GNRH1: variants seen among roughly 807,000 people sequenced by gnomAD.
GNRH1 encodes the protein gonadotropin releasing hormone 1.
In GNRH1, 9 loss-of-function variants were observed where a neutral mutation model predicts 13.6. That is an observed-to-expected ratio of 0.66 (90% CI 0.40 to 1.15). GNRH1 has a LOEUF of 1.15. Among genes scored for constraint, GNRH1 ranks in the 50% most tolerant of loss-of-function variants. The probability of loss-of-function intolerance (pLI) is 0.01; values close to 1 mark genes in which losing one functional copy is unlikely to be tolerated. For synonymous variants in GNRH1, 44 were observed against 40.1 expected, an observed-to-expected ratio of 1.10 and a Z score of -0.37; for missense variants, 116 against 110.8, an observed-to-expected ratio of 1.05 and a Z score of -0.21.
In GNRH1 at chr8:25,421,565, T is replaced by G. The variant is rs751932727; in HGVS notation, c.237+8A>C. On this transcript the variant is annotated splice_region_variant and intron_variant, in intron 3 of 3. Coordinates refer to ENST00000421054, the MANE Select transcript of GNRH1 (RefSeq NM_001083111.2). ...TGCTGTGATCATGTTATGATCACTT[T>G]AACTTACCAGAGCTCCTTTCAGGTC... is the stretch of plus-strand genomic sequence containing the variant. 3.0e-5 allele frequency: 43 copies of G among 1,452,398 alleles called. No homozygotes were observed. Among genetic ancestry groups the G allele is most frequent in the Non-Finnish European group, 4.2e-5 (43 of 1,034,324 alleles). 90.0% of individuals were successfully genotyped at this position (1,452,398 alleles called of 1,614,324 possible). A position where few individuals can be genotyped will look rare whatever the true frequency, so the allele number is the denominator to read the frequency against.
At chr8:25,421,159 C>T (rs745958574) in intron 3 of GNRH1, among the ~76,000 whole-genome samples, 2 of 152,144 alleles carry the variant, frequency 1.3e-5, no homozygotes, top group East Asian at 3.9e-4. Flanking sequence ...TCTGGAAAAC[C>T]ATGTAAGATA....
At chr8:25,423,100 G>T in intron 2 of GNRH1, 90 bp downstream of exon 2, 1 of 979,418 alleles carries the variant, frequency 1.0e-6, no homozygotes, top group Non-Finnish European at 1.6e-6. Flanking sequence ...CAACATCATA[G>T]AATATTGACA....
intron 2 of GNRH1, among the ~76,000 whole-genome samples, chr8:25,422,895 T>C (rs1426882329): frequency 6.6e-6 from 1 of 152,228 alleles, no homozygotes; most frequent in African/African-American, 2.4e-5. Context: ...ATACAGACCT[T>C]GACCCTATCC....
At chr8:25,420,536 A>G (rs1801757357) in intron 3 of GNRH1, among the ~76,000 whole-genome samples, 1 of 152,220 alleles carries the variant, frequency 6.6e-6, no homozygotes, top group African/African-American at 2.4e-5. Context: ...ATAACTGATC[A>G]TTAACTGTAA....
upstream of GNRH1, chr8:25,424,415 T>A (rs1366222490): frequency 6.6e-6 from 1 of 152,052 alleles, no homozygotes; most frequent in African/African-American, 2.4e-5. Context: ...TAATGGTGTA[T>A]GTAATTGGAA....
At chr8:25,424,349 G>T (rs1231016821), upstream of GNRH1, 1 of 144,978 alleles carries the variant, frequency 6.9e-6, no homozygotes, top group Admixed American at 7.3e-5. Flanking sequence ...ACTGCAAATG[G>T]ACTATGCTTT....
At chr8:25,421,001 G>A (rs891703774) in intron 3 of GNRH1, among the ~76,000 whole-genome samples, 4 of 152,108 alleles carry the variant, frequency 2.6e-5, no homozygotes, top group Non-Finnish European at 5.9e-5. Context: ...GGCGGAATTT[G>A]GAGGTGATTA....
intron 2 of GNRH1, among the ~76,000 whole-genome samples, chr8:25,422,511 A>G (rs1177587667): frequency 2.6e-5 from 4 of 152,198 alleles, no homozygotes; most frequent in African/African-American, 9.7e-5. Flanking sequence ...TCGTGCCACT[A>G]AATTCCAGCC....
In GNRH1 at chr8:25,421,663, G is replaced by A. The variant is rs758381883; in HGVS notation, c.147C>T (p.Val49=). 6.5e-6 allele frequency: 10 copies of A among 1,530,068 alleles called. No homozygotes were observed. The Middle Eastern group carries it at 9.2e-4, about 141-fold the overall frequency. The allele number at this position is 1,530,068 out of a possible 1,614,324, so 94.8% of individuals were successfully genotyped here. Residue 49 remains valine, a synonymous_variant, in exon 3 of 4, where the codon GTC becomes GTT. Transcript: ENST00000421054. ...ENLIDSFQEI[V]KEVGQLAETQ... ...TTTCTGCCAGTTGACCAACCTCTTTGACTATCTGAAGAAAGAGAATGTGAT... is the reference window on the plus strand; with the variant it reads ...TTTCTGCCAGTTGACCAACCTCTTTAACTATCTGAAGAAAGAGAATGTGAT...
At chr8:25,423,102 A>ATAT in intron 2 of GNRH1, 88 bp downstream of exon 2, 1 of 988,460 alleles carries the variant, frequency 1.0e-6, no homozygotes, top group African/African-American at 1.6e-5. Flanking sequence ...ACATCATAGA[A>ATAT]TATTGACATT....
intron 1 of GNRH1, 117 bp from the exon 2 acceptor site, chr8:25,423,448 CAG>C: frequency 2.2e-6 from 2 of 908,282 alleles, no homozygotes. Context: ...AGATGGAAGT[CAG>C]AGTCAGTTTT....
chr8:25,424,875 T>C (rs1018865653), upstream of GNRH1, among the ~76,000 whole-genome samples: 2 of 152,224 alleles, frequency 1.3e-5, no homozygotes, highest in African/African-American at 4.8e-5. Flanking sequence ...CTGCTTGACT[T>C]ACCTTGAAAG....
At chr8:25,422,574 G>A (rs1801787575) in intron 2 of GNRH1, among the ~76,000 whole-genome samples, 2 of 152,014 alleles carry the variant, frequency 1.3e-5, no homozygotes, top group Admixed American at 1.3e-4. Flanking sequence ...AAACAAGAAA[G>A]CAAGTACCTC....
rs373279740 is a variant in GNRH1 at position 25,421,621 on chromosome 8, G to A, written c.189C>T (p.Cys63=). The part of the protein sequence containing the change: ...GQLAETQRFE[C]TTHQPRSPLR... ...GGGGAGAACGTGGCTGGTGCGTGGTGCATTCGAAGCGTTGGGTTTCTGCCA... is the reference window on the plus strand; with the variant it reads ...GGGGAGAACGTGGCTGGTGCGTGGTACATTCGAAGCGTTGGGTTTCTGCCA... Residue 63 remains cysteine, a synonymous_variant, in exon 3 of 4, where the codon TGC becomes TGT. Transcript: ENST00000421054. 3.7e-6 allele frequency: 6 copies of A among 1,606,622 alleles called. No individual in the cohort carries two copies. The East Asian group carries it at 6.7e-5, about 18-fold the overall frequency.
At chr8:25,421,878 G>C (rs1801778497) in intron 2 of GNRH1, among the ~76,000 whole-genome samples, 1 of 151,966 alleles carries the variant, frequency 6.6e-6, no homozygotes, top group Non-Finnish European at 1.5e-5. Context: ...GGAGATAATG[G>C]AGACAGTAAG....
chr8:25,421,708 G>T lies in GNRH1; in HGVS notation c.142-40C>A, dbSNP rs377139101. ...TGTGATGCTTTGAGATGGAGATAAA[G>T]AAATGAAATGGTGTTTTCCATTTCC... On this transcript the variant is annotated intron_variant, in intron 2 of 3. Coordinates refer to ENST00000421054, the MANE Select transcript of GNRH1 (RefSeq NM_001083111.2). 7.8e-5 allele frequency: 69 copies of T among 880,752 alleles called. No individual in the cohort carries two copies. The East Asian group carries it at 8.6e-4, about 11-fold the overall frequency. 54.6% of individuals were successfully genotyped at this position (880,752 alleles called of 1,614,324 possible). A position where few individuals can be genotyped will look rare whatever the true frequency, so the allele number is the denominator to read the frequency against.
intron 1 of GNRH1, chr8:25,423,864 G>C (rs1433012726): frequency 6.0e-6 from 1 of 167,706 alleles, no homozygotes. Context: ...ATCTGTGGGA[G>C]AGAGGACTCA....
intron 3 of GNRH1, 115 bp from the exon 4 acceptor site, chr8:25,419,575 G>T: frequency 2.8e-6 from 2 of 725,254 alleles, no homozygotes; most frequent in East Asian, 5.2e-5. Flanking sequence ...GTTTGATTTT[G>T]TGCTCTAGTT....
chr8:25,419,554 G>A, intron 3 of GNRH1, 94 bp from the exon 4 acceptor site: 1 of 767,814 alleles, frequency 1.3e-6, no homozygotes, highest in South Asian at 1.4e-5. Context: ...CAGTCTGGAA[G>A]GAATTGGTCT....
Sources: allele counts gnomAD v4.1 joint callset (sites outside exome capture counted in the v4.1 genomes callset), GRCh38; gene constraint gnomAD v4.1.1; transcripts MANE v1.5; gene names NCBI Gene and HGNC (gene_info 2026-07-23, HGNC 2026-07-21).